ATP9B: variants seen among roughly 807,000 people sequenced by gnomAD.
ATP9B encodes ATPase phospholipid transporting 9B, also known as probable phospholipid-transporting ATPase IIB.
In ATP9B, 110 loss-of-function variants were observed where a neutral mutation model predicts 146.1. The observed-to-expected ratio is 0.75, with a 90% CI of 0.65 to 0.88. The LOEUF (loss-of-function observed/expected upper bound fraction) is 0.88. Ranked by LOEUF, ATP9B falls within the 40% of genes least tolerant of loss-of-function variation. The pLI is 0.00. For missense variants in ATP9B, 1,499 were observed against 1,496.4 expected (o/e 1.00, Z -0.03); for synonymous variants, 604 against 569.7 (o/e 1.06, Z -0.86).
chr18:79,098,763 T>C (rs1051351143), intron 2 of ATP9B, among the ~76,000 whole-genome samples: 1 of 152,242 alleles, frequency 6.6e-6, no homozygotes, highest in Non-Finnish European at 1.5e-5. Context: ...CTTTGTAGCC[T>C]TATTTTCTCT....
chr18:79,305,855 T>C (rs915218931), intron 14 of ATP9B, among the ~76,000 whole-genome samples: 2 of 152,232 alleles, frequency 1.3e-5, no homozygotes, highest in African/African-American at 4.8e-5. Context: ...GTCTAGTAGG[T>C]CCACTGCCGT....
intron 7 of ATP9B, among the ~76,000 whole-genome samples, 181 bp downstream of exon 7, chr18:79,154,736 T>C (rs1377688044): frequency 6.6e-6 from 1 of 152,142 alleles, no homozygotes; most frequent in African/African-American, 2.4e-5. Context: ...GAAAAGAGAG[T>C]CCACATTTTC....
chr18:79,258,047 A>G (rs949292656), intron 12 of ATP9B, among the ~76,000 whole-genome samples: 2 of 152,212 alleles, frequency 1.3e-5, no homozygotes, highest in African/African-American at 4.8e-5. Context: ...GAAAGATTTG[A>G]CCTTTTACCT....
At chr18:79,156,661 C>T (rs1406753207) in intron 7 of ATP9B, among the ~76,000 whole-genome samples, 1 of 152,208 alleles carries the variant, frequency 6.6e-6, no homozygotes, top group Non-Finnish European at 1.5e-5. Context: ...AGCCTTCTTA[C>T]TAATTCTCTT....
At chr18:79,215,162 A>AG (rs2095616351) in intron 11 of ATP9B, among the ~76,000 whole-genome samples, 1 of 151,872 alleles carries the variant, frequency 6.6e-6, no homozygotes, top group Non-Finnish European at 1.5e-5. Context: ...AAAAAAAAAA[A>AG]AAAGATATAT....
At chr18:79,231,551 AG>A (rs2095791620) in intron 11 of ATP9B, among the ~76,000 whole-genome samples, 1 of 152,156 alleles carries the variant, frequency 6.6e-6, no homozygotes, top group Admixed American at 6.5e-5. Flanking sequence ...AATGTAAACT[AG>A]TACAACCACT....
intron 15 of ATP9B, among the ~76,000 whole-genome samples, chr18:79,327,955 G>C (rs866991532): frequency 7.8e-6 from 1 of 128,888 alleles, no homozygotes; most frequent in Non-Finnish European, 1.6e-5. Context: ...CGTGGTTAGC[G>C]TGCTCTCCGT....
intron 7 of ATP9B, among the ~76,000 whole-genome samples, chr18:79,158,638 A>G (rs79464040): frequency 0.029 from 4,356 of 152,166 alleles, 225 homozygotes; most frequent in African/African-American, 0.1. Flanking sequence ...ATATTTATAC[A>G]TTTTCTAAAT....
chr18:79,190,407 G>A (rs2095352758), intron 8 of ATP9B, among the ~76,000 whole-genome samples: 1 of 151,954 alleles, frequency 6.6e-6, no homozygotes, highest in South Asian at 2.1e-4. Flanking sequence ...TCATGTATAA[G>A]TGGACCTGCA....
intron 12 of ATP9B, among the ~76,000 whole-genome samples, chr18:79,260,753 G>C (rs1219003058): frequency 6.6e-6 from 1 of 152,210 alleles, no homozygotes; most frequent in Non-Finnish European, 1.5e-5. Context: ...ATGACCCCAA[G>C]GTCAAAATTG....
intron 11 of ATP9B, among the ~76,000 whole-genome samples, chr18:79,218,206 G>C (rs961665153): frequency 6.6e-5 from 10 of 151,714 alleles, no homozygotes; most frequent in African/African-American, 2.4e-4. Context: ...CCTGCTTCTT[G>C]TCATGTTTTC....
At chr18:79,306,953 A>G (rs1396946172) in intron 14 of ATP9B, 33 bp from the exon 15 acceptor site, 2 of 1,611,022 alleles carry the variant, frequency 1.2e-6, no homozygotes, top group Middle Eastern at 1.7e-4. Flanking sequence ...TCTTTGCTCT[A>G]TCTTTAATTA....
chr18:79,075,075 T>C (rs1431055211), intron 1 of ATP9B, among the ~76,000 whole-genome samples: 1 of 150,134 alleles, frequency 6.7e-6, no homozygotes, highest in Non-Finnish European at 1.5e-5. Flanking sequence ...GTTTATTCTT[T>C]TTAGAGTTTT....
intron 8 of ATP9B, among the ~76,000 whole-genome samples, chr18:79,187,619 T>G (rs1338601391): frequency 3.9e-5 from 6 of 152,214 alleles, no homozygotes; most frequent in Non-Finnish European, 7.3e-5. Flanking sequence ...TGTTTCCCGT[T>G]GAGTGTCTGA....
intron 29 of ATP9B, chr18:79,375,719 G>A: frequency 3.0e-6 from 3 of 985,402 alleles, no homozygotes; most frequent in Non-Finnish European, 3.6e-6. Context: ...TTCAGTTGTA[G>A]GGGCTGAGCT....
chr18:79,145,796 G>A (rs7226682), intron 6 of ATP9B: 4,787 of 41,846 alleles, frequency 0.11, 1 homozygote, highest in East Asian at 0.29. Context: ...CATGTCGGGG[G>A]AGCTGGCGGT....
chr18:79,133,929 C>G (rs532997533), intron 5 of ATP9B, among the ~76,000 whole-genome samples: 1 of 152,230 alleles, frequency 6.6e-6, no homozygotes, highest in Non-Finnish European at 1.5e-5. Context: ...CTCTTCTGTC[C>G]GAAGTGGGAA....
chr18:79,270,249 T>G (rs1225016343), intron 12 of ATP9B, among the ~76,000 whole-genome samples: 1 of 152,192 alleles, frequency 6.6e-6, no homozygotes, highest in Non-Finnish European at 1.5e-5. Flanking sequence ...CCTGCATTCT[T>G]GCGCGTTCAT....
Position 79,071,066 on chromosome 18 carries a change from T to TTTTTTTTG in ATP9B, c.119+1537_119+1538insTTTTTTTG, listed in dbSNP as rs371797213. The stretch of plus-strand genomic sequence containing the variant: ...TCCTGTTTCTTTTTTTTTTTTTTTT[T>TTTTTTTTG]GCCACTTTTTGGGTTACTTGGACAC... On this transcript the variant is annotated intron_variant, in intron 1 of 29. Coordinates refer to ENST00000426216, the MANE Select transcript of ATP9B (RefSeq NM_198531.5). Among the ~76,000 whole-genome samples, 466 of 149,548 alleles carry TTTTTTTTG rather than the reference T, an allele frequency of 3.1e-3. 2 individuals are homozygous for TTTTTTTTG. The highest frequency in any genetic ancestry group is 0.021 in the South Asian group (97 of 4,730).
Sources: gnomAD v4.1 joint callset for allele counts (sites outside exome capture counted in the v4.1 genomes callset) on GRCh38, gnomAD v4.1.1 for gene constraint, MANE v1.5 for transcripts, NCBI Gene and HGNC (gene_info 2026-07-23, HGNC 2026-07-21) for gene names.